KAZN: variants seen among roughly 807,000 people sequenced by gnomAD.
KAZN encodes kazrin.
KAZN carries 40 observed loss-of-function variants against 87.4 expected under a neutral mutation model. The observed-to-expected ratio is 0.46, with a 90% CI of 0.36 to 0.60. KAZN has a LOEUF of 0.60. Ranked by LOEUF, KAZN falls within the 20% of genes least tolerant of loss-of-function variation. The pLI is 0.00. For missense variants in KAZN, 898 were observed against 1,073.9 expected (o/e 0.84, Z 2.29); for synonymous variants, 466 against 458.3 (o/e 1.02, Z -0.22).
At chr1:14,183,654 T>A (rs1353954995) in intron 2 of KAZN, among the ~76,000 whole-genome samples, 3 of 152,156 alleles carry the variant, frequency 2.0e-5, no homozygotes, top group Non-Finnish European at 2.9e-5. Context: ...CTCCGCATGC[T>A]AAGAGGGGTT....
chr1:15,092,483 CTGTTT>C (rs1192804317), intron 8 of KAZN, among the ~76,000 whole-genome samples: 1 of 148,522 alleles, frequency 6.7e-6, no homozygotes, highest in African/African-American at 2.5e-5. Context: ...TTGTTTTGTT[CTGTTT>C]TGAGTTGGGG....
intron 2 of KAZN, among the ~76,000 whole-genome samples, chr1:14,431,887 C>A (rs2101386326): frequency 6.6e-6 from 1 of 152,280 alleles, no homozygotes; most frequent in South Asian, 2.1e-4. Flanking sequence ...CTTGTCTCTT[C>A]CCCAGCTTGC....
At chr1:13,960,463 G>A (rs1174908256) in intron 1 of KAZN, among the ~76,000 whole-genome samples, 4 of 152,124 alleles carry the variant, frequency 2.6e-5, no homozygotes, top group African/African-American at 9.7e-5. Context: ...GTTGTCCTTG[G>A]AAGGTGCCGT....
chr1:14,193,298 T>A (rs1646459799), intron 2 of KAZN, among the ~76,000 whole-genome samples: 1 of 152,084 alleles, frequency 6.6e-6, no homozygotes, highest in Admixed American at 6.5e-5. Context: ...AATACACTGG[T>A]GTCTTTATAA....
intron 1 of KAZN, among the ~76,000 whole-genome samples, chr1:14,740,929 G>A (rs1443104847): frequency 1.3e-5 from 2 of 152,202 alleles, no homozygotes; most frequent in East Asian, 3.9e-4. Context: ...TTCCCTCCAT[G>A]GTGCCTGTGG....
intron 2 of KAZN, among the ~76,000 whole-genome samples, chr1:14,347,970 C>T (rs1462093379): frequency 5.3e-5 from 8 of 151,430 alleles, no homozygotes. Flanking sequence ...ATTGCAACCT[C>T]TGCCTCCCAG....
intron 1 of KAZN, among the ~76,000 whole-genome samples, chr1:14,800,680 C>T (rs537597875): frequency 5.9e-5 from 9 of 152,246 alleles, no homozygotes; most frequent in Non-Finnish European, 1.2e-4. Flanking sequence ...CTCCAGCCTG[C>T]ACAACAGAGT....
At chr1:14,795,283 C>T (rs1413094972) in intron 1 of KAZN, among the ~76,000 whole-genome samples, 1 of 152,146 alleles carries the variant, frequency 6.6e-6, no homozygotes, top group Non-Finnish European at 1.5e-5. Flanking sequence ...GAGAAGCAGT[C>T]CGTGAAAGCT....
chr1:14,160,774 T>C (rs573333258), intron 1 of KAZN, among the ~76,000 whole-genome samples: 2 of 152,222 alleles, frequency 1.3e-5, no homozygotes, highest in African/African-American at 4.8e-5. Flanking sequence ...TCTATTCTCA[T>C]GTAGGATGTA....
intron 10 of KAZN, among the ~76,000 whole-genome samples, chr1:15,097,306 G>T (rs1355068800): frequency 6.6e-6 from 1 of 152,108 alleles, no homozygotes; most frequent in Non-Finnish European, 1.5e-5. Context: ...GGACTCGGGG[G>T]TAAGAACTCT....
intron 1 of KAZN, among the ~76,000 whole-genome samples, chr1:14,778,665 T>G (rs1304394494): frequency 6.6e-6 from 1 of 152,240 alleles, no homozygotes; most frequent in East Asian, 1.9e-4. Context: ...TCACAGGTAC[T>G]GGTTATCCAG....
At chr1:14,608,512 T>G (rs1483926470) in intron 1 of KAZN, among the ~76,000 whole-genome samples, 2 of 152,118 alleles carry the variant, frequency 1.3e-5, no homozygotes, top group Non-Finnish European at 2.9e-5. Context: ...CCACTAGGGG[T>G]TAAAACTGGC....
chr1:14,515,125 G>C (rs1226676880), intron 2 of KAZN, among the ~76,000 whole-genome samples: 2 of 152,056 alleles, frequency 1.3e-5, no homozygotes, highest in Non-Finnish European at 2.9e-5. Flanking sequence ...AAATCCACCT[G>C]ACACTAGGTC....
chr1:14,661,702 G>A (rs893944355), intron 1 of KAZN, among the ~76,000 whole-genome samples: 57 of 151,412 alleles, frequency 3.8e-4, no homozygotes, highest in African/African-American at 1.2e-3. Flanking sequence ...ATCACCTGAG[G>A]TCAGGGGTTT....
chr1:14,718,934 G>A (rs1642949977), intron 1 of KAZN, among the ~76,000 whole-genome samples: 2 of 152,188 alleles, frequency 1.3e-5, no homozygotes, highest in Admixed American at 6.5e-5. Context: ...AAAAAGAGAA[G>A]GTAGGGGGTT....
rs772982694 is a variant in KAZN, at chr1:14,164,796, C to T, written c.92-15639C>T. Among the ~76,000 whole-genome samples, 3 of 152,038 alleles carry T rather than the reference C, an allele frequency of 2.0e-5. No individual in the cohort carries two copies. In the South Asian group the frequency reaches 6.2e-4, roughly 32 times the overall value. Reference sequence around the variant, plus strand: ...TCAGGTGATCCGCCTGCCTCGGCCTCCCAAAGTGCTGGGATTACAGGCATG... The same window carrying T: ...TCAGGTGATCCGCCTGCCTCGGCCTTCCAAAGTGCTGGGATTACAGGCATG... On this transcript the variant is annotated intron_variant, in intron 1 of 16. Coordinates refer to the KAZN transcript ENST00000636203.
rs1468591999 is a variant in KAZN at position 14,598,687 on chromosome 1, T to C, written c.-311T>C. On this transcript the variant is annotated 5_prime_UTR_variant, in exon 1 of 15. Coordinates refer to ENST00000376030, the MANE Select transcript of KAZN (RefSeq NM_201628.3). This position sits in a 1 kb window ranked among gnomAD's most constrained non-coding sequence, Gnocchi z 4.2. The stretch of plus-strand genomic sequence containing the variant: ...AGTGCCTGGTGGCGCGCGGTGTCCT[T>C]CTTGGAGCAGCTCTCGGCGCCCGCC... 1 of 1,293,042 alleles carries C rather than the reference T, an allele frequency of 7.7e-7. No homozygotes were observed. The highest frequency in any genetic ancestry group is 1.6e-5 in the African/African-American group (1 of 63,740). 80.1% of individuals were successfully genotyped at this position (1,293,042 alleles called of 1,614,324 possible).
intron 2 of KAZN, among the ~76,000 whole-genome samples, chr1:14,228,585 A>G (rs1467278025): frequency 6.6e-6 from 1 of 152,182 alleles, no homozygotes; most frequent in Non-Finnish European, 1.5e-5. Flanking sequence ...GGAAATTGAC[A>G]TTCAAAATAG....
chr1:14,684,546 T>C (rs1031856727), intron 1 of KAZN, among the ~76,000 whole-genome samples: 18 of 152,196 alleles, frequency 1.2e-4, no homozygotes, highest in Non-Finnish European at 5.9e-5. Context: ...AAGTGTGGAC[T>C]GAGTCTTATG....
Sources: allele counts gnomAD v4.1 joint callset (sites outside exome capture counted in the v4.1 genomes callset), GRCh38; gene constraint gnomAD v4.1.1; non-coding constraint Gnocchi (gnomAD v3.1); transcripts MANE v1.5; gene names NCBI Gene and HGNC (gene_info 2026-07-23, HGNC 2026-07-21).